Variants in PEX14 observed in about 807,000 individuals in gnomAD.
The protein encoded by PEX14 is peroxisomal membrane protein PEX14.
Under a neutral mutation model 49.5 loss-of-function variants are expected in PEX14, and 15 were observed. The observed-to-expected ratio is 0.30, with a 90% CI of 0.20 to 0.47. PEX14 has a LOEUF of 0.47. Among genes scored for constraint, PEX14 ranks in the 20% least tolerant of loss-of-function variants. The pLI is 1.00. For synonymous variants in PEX14, 210 were observed against 212.7 expected (o/e 0.99, Z 0.11); for missense variants, 398 against 494.8 (o/e 0.80, Z 1.86).
chr1:10,562,567 C>T (rs1268269700), intron 3 of PEX14, among the ~76,000 whole-genome samples: 2 of 152,182 alleles, frequency 1.3e-5, no homozygotes, highest in Non-Finnish European at 2.9e-5. Flanking sequence ...GACTAGATTT[C>T]ATTTGTGCAT....
chr1:10,498,781 C>T lies in PEX14; in HGVS notation c.84+3460C>T, dbSNP rs116647966. 6.2e-3 allele frequency among the ~76,000 whole-genome samples: 942 copies of T among 152,336 alleles called. 7 individuals are homozygous for T. The highest frequency in any genetic ancestry group is 0.021 in the African/African-American group (892 of 41,570). On this transcript the variant is annotated intron_variant, in intron 2 of 8. Coordinates refer to ENST00000356607, the MANE Select transcript of PEX14 (RefSeq NM_004565.3). ...AAATTCTCTGTTGTTGACAAAACTC[C>T]GCCAAAGTTAAAATGGCTGGTTACT...
chr1:10,593,968 G>T (rs1640750402), intron 3 of PEX14, among the ~76,000 whole-genome samples: 1 of 152,286 alleles, frequency 6.6e-6, no homozygotes, highest in South Asian at 2.1e-4. Flanking sequence ...GCTGGATCAG[G>T]TGGCACGGAA....
At chr1:10,524,992 A>T (rs1296745146) in intron 2 of PEX14, among the ~76,000 whole-genome samples, 1 of 152,130 alleles carries the variant, frequency 6.6e-6, no homozygotes, top group Non-Finnish European at 1.5e-5. Flanking sequence ...GCCCGGCCGG[A>T]TCATTTATTT....
chr1:10,590,014 C>T (rs975412598), intron 3 of PEX14, among the ~76,000 whole-genome samples: 1 of 152,204 alleles, frequency 6.6e-6, no homozygotes, highest in Non-Finnish European at 1.5e-5. Flanking sequence ...CCACCCCCGC[C>T]CCATGCTGTA....
At chr1:10,499,757 A>AT (rs958432973) in intron 2 of PEX14, among the ~76,000 whole-genome samples, 7 of 151,806 alleles carry the variant, frequency 4.6e-5, no homozygotes, top group East Asian at 1.9e-4. Context: ...CCAAACTACA[A>AT]TTTTTTCTGT....
chr1:10,482,857 A>T (rs969331583), intron 1 of PEX14, among the ~76,000 whole-genome samples: 4 of 152,136 alleles, frequency 2.6e-5, no homozygotes, highest in African/African-American at 4.8e-5. Flanking sequence ...TGGTGAGTTC[A>T]TCTACGTTTT....
intron 1 of PEX14, among the ~76,000 whole-genome samples, chr1:10,484,732 A>AG (rs898593579): frequency 6.6e-6 from 1 of 151,488 alleles, no homozygotes; most frequent in African/African-American, 2.4e-5. Flanking sequence ...CTGACTAGGG[A>AG]GGGGTCTGCT....
chr1:10,522,415 A>G (rs1353102446), intron 2 of PEX14, among the ~76,000 whole-genome samples: 2 of 152,246 alleles, frequency 1.3e-5, no homozygotes. Flanking sequence ...ATGAGCTGAC[A>G]GTCTCTTAAG....
At chr1:10,552,314 C>T (rs1446367762) in intron 3 of PEX14, among the ~76,000 whole-genome samples, 4 of 152,004 alleles carry the variant, frequency 2.6e-5, no homozygotes, top group Non-Finnish European at 4.4e-5. Flanking sequence ...TGGTGGCGGA[C>T]GCCTGTAATC....
intron 2 of PEX14, among the ~76,000 whole-genome samples, chr1:10,498,258 C>T (rs1641604846): frequency 6.6e-6 from 1 of 151,830 alleles, no homozygotes; most frequent in Non-Finnish European, 1.5e-5. Flanking sequence ...CCAGCCTGAG[C>T]AACAGAGCAA....
chr1:10,556,341 G>A (rs1639488700), intron 3 of PEX14, among the ~76,000 whole-genome samples: 1 of 152,188 alleles, frequency 6.6e-6, no homozygotes, highest in East Asian at 1.9e-4. Flanking sequence ...TGGGGCTGAT[G>A]AGGATCCATG....
rs140548945 is a variant in PEX14, at chr1:10,554,774, C to T, written c.169+18477C>T. Reference sequence around the variant, plus strand: ...TGTCACCCAGGCTGGAATACAGTGGCGCGATCTTGGCTCACTGCAACCTCC... The same window carrying T: ...TGTCACCCAGGCTGGAATACAGTGGTGCGATCTTGGCTCACTGCAACCTCC... On this transcript the variant is annotated intron_variant, in intron 3 of 8. Coordinates refer to ENST00000356607, the MANE Select transcript of PEX14 (RefSeq NM_004565.3). Among the ~76,000 whole-genome samples the T allele has an allele frequency of 4.6e-4, 70 of 151,712 alleles. 4 individuals carry two copies. In the East Asian group the frequency reaches 0.013, roughly 28 times the overall value.
intron 8 of PEX14, among the ~76,000 whole-genome samples, chr1:10,627,849 G>A (rs761194005): frequency 2.0e-5 from 3 of 152,254 alleles, no homozygotes; most frequent in Non-Finnish European, 2.9e-5. Flanking sequence ...CCTCTGTAGC[G>A]ACAGCACATT....
chr1:10,513,369 C>T lies in PEX14; in HGVS notation c.84+18048C>T, dbSNP rs577202354. Among the ~76,000 whole-genome samples, 9 of 152,202 alleles carry T rather than the reference C, an allele frequency of 5.9e-5. No homozygotes were observed. In the South Asian group the frequency reaches 1.2e-3, roughly 21 times the overall value. On this transcript the variant is annotated intron_variant, in intron 2 of 8. Coordinates refer to ENST00000356607, the MANE Select transcript of PEX14 (RefSeq NM_004565.3). ...GGCTAAGGTGGGAACAGGATGGTGG[C>T]GGGGTTTGAGTCAACATGGTCTCAG...
At chr1:10,537,988 A>G (rs1332903049) in intron 3 of PEX14, among the ~76,000 whole-genome samples, 1 of 152,212 alleles carries the variant, frequency 6.6e-6, no homozygotes, top group Non-Finnish European at 1.5e-5. Flanking sequence ...CCAACTGATC[A>G]ATTCATCCAA....
At position 10,494,300 on chromosome 1, in the gene PEX14, T is replaced by G. The variant is rs991607613; in HGVS notation, c.37-974T>G. 2.0e-5 allele frequency among the ~76,000 whole-genome samples: 3 copies of G among 152,192 alleles called. No homozygotes were observed. The highest frequency in any genetic ancestry group is 4.4e-5 in the Non-Finnish European group (3 of 68,020). ...CCTGGCACTTCCATCTGATCTGTAA[T>G]AGCCGGGAGAATGGAGGCTGCAGGC... On this transcript the variant is annotated intron_variant, in intron 1 of 8. Transcript: ENST00000356607. The surrounding 1 kb of genome is among the most constrained non-coding windows in gnomAD (Gnocchi z 4.3).
At chr1:10,491,598 C>T (rs1357536195) in intron 1 of PEX14, among the ~76,000 whole-genome samples, 1 of 151,258 alleles carries the variant, frequency 6.6e-6, no homozygotes, top group Non-Finnish European at 1.5e-5. Context: ...AACTCCTGGC[C>T]TTAAGGGATC....
At chr1:10,583,190 A>G (rs1433817320) in intron 3 of PEX14, among the ~76,000 whole-genome samples, 5 of 151,130 alleles carry the variant, frequency 3.3e-5, no homozygotes, top group African/African-American at 1.2e-4. Context: ...TCTGTTTTAC[A>G]TATTGGGGTT....
At chr1:10,585,934 T>G (rs1324649644) in intron 3 of PEX14, among the ~76,000 whole-genome samples, 1 of 152,130 alleles carries the variant, frequency 6.6e-6, no homozygotes, top group African/African-American at 2.4e-5. Flanking sequence ...ATAGAAAAAT[T>G]TCAGAATAAT....
Sources: gnomAD v4.1 joint callset for allele counts (sites outside exome capture counted in the v4.1 genomes callset) on GRCh38, gnomAD v4.1.1 for gene constraint, Gnocchi (gnomAD v3.1) non-coding constraint, MANE v1.5 for transcripts, NCBI Gene and HGNC (gene_info 2026-07-23, HGNC 2026-07-21) for gene names.